Variants in SGCZ observed in about 807,000 individuals in gnomAD.
SGCZ encodes zeta-sarcoglycan.
In SGCZ, 40 loss-of-function variants were observed where a neutral mutation model predicts 41.3. The ratio of observed to expected loss-of-function variants is 0.97; its 90% CI spans 0.75 to 1.26. The LOEUF is 1.26. SGCZ is among the 50% of genes most tolerant of loss of function. SGCZ has a pLI of 0.00. For missense variants in SGCZ, 552 were observed against 369.8 expected, an observed-to-expected ratio of 1.49 and a Z score of -4.04; for synonymous variants, 206 against 137.5, an observed-to-expected ratio of 1.50 and a Z score of -3.49.
intron 1 of SGCZ, among the ~76,000 whole-genome samples, chr8:14,648,118 C>T (rs562252610): frequency 2.0e-5 from 3 of 152,088 alleles, no homozygotes; most frequent in Non-Finnish European, 2.9e-5. Flanking sequence ...CAGAGCACCA[C>T]CTCCTTAAAA....
intron 3 of SGCZ, among the ~76,000 whole-genome samples, chr8:14,260,525 G>A (rs985545343): frequency 6.9e-6 from 1 of 145,828 alleles, no homozygotes; most frequent in Non-Finnish European, 1.5e-5. Context: ...CAACCATTGT[G>A]GAAGTCAGTG....
At chr8:14,633,674 C>T (rs1345348564) in intron 1 of SGCZ, among the ~76,000 whole-genome samples, 1 of 151,780 alleles carries the variant, frequency 6.6e-6, no homozygotes, top group Non-Finnish European at 1.5e-5. Context: ...TATTTGTATA[C>T]CTCTAATTTT....
intron 2 of SGCZ, among the ~76,000 whole-genome samples, chr8:14,344,705 T>C (rs543401309): frequency 5.1e-4 from 77 of 152,092 alleles, no homozygotes; most frequent in African/African-American, 1.8e-3. Context: ...ATAACTAGAA[T>C]TAATATAACG....
chr8:14,748,060 T>G (rs2130306284), intron 1 of SGCZ, among the ~76,000 whole-genome samples: 1 of 152,122 alleles, frequency 6.6e-6, no homozygotes, highest in East Asian at 1.9e-4. Flanking sequence ...CCCATGACTC[T>G]TATCTCCAAA....
At chr8:14,195,309 T>C (rs956646825) in intron 4 of SGCZ, among the ~76,000 whole-genome samples, 9 of 152,076 alleles carry the variant, frequency 5.9e-5, no homozygotes, top group African/African-American at 2.2e-4. Context: ...CTGAAAAGGG[T>C]TGACAGCAGA....
Position 14,444,407 on chromosome 8 carries a change from C to G in SGCZ, c.234+110325G>C, listed in dbSNP as rs184264559. The stretch of plus-strand genomic sequence containing the variant: ...ATTCACCATAGCAAAGACTTGGAAC[C>G]AATCCAAATGTCCAACAATGATAGA... On this transcript the variant is annotated intron_variant, in intron 2 of 7. Coordinates refer to ENST00000382080, the MANE Select transcript of SGCZ (RefSeq NM_139167.4). 1.2e-4 allele frequency among the ~76,000 whole-genome samples: 18 copies of G among 152,134 alleles called. No individual in the cohort carries two copies. In the East Asian group the frequency reaches 3.3e-3, roughly 28 times the overall value.
At chr8:14,557,188 T>G (rs1258681727) in intron 1 of SGCZ, among the ~76,000 whole-genome samples, 1 of 152,068 alleles carries the variant, frequency 6.6e-6, no homozygotes, top group Non-Finnish European at 1.5e-5. Flanking sequence ...TCATTTGTGA[T>G]GTTAAGCATT....
At chr8:14,494,130 C>T (rs1370922288) in intron 2 of SGCZ, among the ~76,000 whole-genome samples, 2 of 152,194 alleles carry the variant, frequency 1.3e-5, no homozygotes, top group Non-Finnish European at 2.9e-5. Context: ...CCTCCCAACT[C>T]ACTGTTTCTA....
chr8:14,432,783 G>C (rs1280239410), intron 2 of SGCZ, among the ~76,000 whole-genome samples: 7 of 151,748 alleles, frequency 4.6e-5, no homozygotes, highest in Admixed American at 4.6e-4. Context: ...GCGTGGTGGA[G>C]GGCAACTGCA....
chr8:14,624,446 G>T (rs902285975), intron 1 of SGCZ, among the ~76,000 whole-genome samples: 1 of 150,896 alleles, frequency 6.6e-6, no homozygotes, highest in Admixed American at 6.6e-5. Flanking sequence ...TATTAATAGG[G>T]TTCATTGCAG....
intron 4 of SGCZ, among the ~76,000 whole-genome samples, chr8:14,202,918 C>T (rs1805501054): frequency 6.6e-6 from 1 of 152,156 alleles, no homozygotes; most frequent in Non-Finnish European, 1.5e-5. Context: ...TGGGAGGAAT[C>T]AGGCGGGAGG....
chr8:14,330,124 T>C (rs1236875264), intron 2 of SGCZ, among the ~76,000 whole-genome samples: 4 of 152,172 alleles, frequency 2.6e-5, no homozygotes, highest in Non-Finnish European at 5.9e-5. Flanking sequence ...GCTCTATTAG[T>C]ATTTCTTATA....
At chr8:15,089,894 T>A (rs545152254) in intron 1 of SGCZ, among the ~76,000 whole-genome samples, 39 of 152,202 alleles carry the variant, frequency 2.6e-4, no homozygotes, top group Non-Finnish European at 2.5e-4. Context: ...CAGAGAAGAC[T>A]AATGAGAAAG....
intron 1 of SGCZ, among the ~76,000 whole-genome samples, chr8:14,564,116 C>G (rs182237033): frequency 6.6e-6 from 1 of 151,966 alleles, no homozygotes; most frequent in African/African-American, 2.4e-5. Context: ...TCCTGGATAG[C>G]AAGATAGATA....
At chr8:14,788,171 C>G (rs975307467) in intron 1 of SGCZ, among the ~76,000 whole-genome samples, 1 of 152,070 alleles carries the variant, frequency 6.6e-6, no homozygotes, top group Non-Finnish European at 1.5e-5. Flanking sequence ...TTTTTCCTTT[C>G]CCTGGGGATA....
chr8:15,208,724 A>C (rs1229790516), intron 1 of SGCZ, among the ~76,000 whole-genome samples: 1 of 152,152 alleles, frequency 6.6e-6, no homozygotes, highest in Non-Finnish European at 1.5e-5. Context: ...TTGCTATTAC[A>C]TGAAACCTTG....
chr8:15,104,984 A>G (rs1342549896), intron 1 of SGCZ, among the ~76,000 whole-genome samples: 1 of 152,134 alleles, frequency 6.6e-6, no homozygotes, highest in Non-Finnish European at 1.5e-5. Context: ...GGTTTGTATA[A>G]CTCTTTCCTT....
At chr8:14,094,745 C>G (rs924060086) in intron 7 of SGCZ, among the ~76,000 whole-genome samples, 1 of 152,164 alleles carries the variant, frequency 6.6e-6, no homozygotes, top group Non-Finnish European at 1.5e-5. Context: ...AATTTACACT[C>G]CCACCAACAG....
chr8:14,383,384 C>T (rs192160548), intron 2 of SGCZ, among the ~76,000 whole-genome samples: 1 of 152,290 alleles, frequency 6.6e-6, no homozygotes, highest in East Asian at 1.9e-4. Flanking sequence ...GGAAAGAAGT[C>T]TAATGATGGA....
Sources: gnomAD v4.1 joint callset for allele counts (sites outside exome capture counted in the v4.1 genomes callset) on GRCh38, gnomAD v4.1.1 for gene constraint, MANE v1.5 for transcripts, NCBI Gene and HGNC (gene_info 2026-07-23, HGNC 2026-07-21) for gene names.